The following UBL3 variants were observed in gnomAD, a reference collection of about 807,000 sequenced individuals.
UBL3 encodes ubiquitin-like protein 3.
Under a neutral mutation model 18.4 loss-of-function variants are expected in UBL3, and 6 were observed. The ratio of observed to expected loss-of-function variants is 0.33; its 90% CI spans 0.18 to 0.64. UBL3 has a LOEUF of 0.64. Among genes scored for constraint, UBL3 ranks in the 30% least tolerant of loss-of-function variants. The probability of loss-of-function intolerance (pLI) is 0.76; values close to 1 mark genes in which losing one functional copy is unlikely to be tolerated. For synonymous variants in UBL3, 49 were observed against 46.6 expected, an observed-to-expected ratio of 1.05 and a Z score of -0.21; for missense variants, 109 against 142.9, an observed-to-expected ratio of 0.76 and a Z score of 1.21.
intron 1 of UBL3, among the ~76,000 whole-genome samples, chr13:29,843,790 G>C (rs909063646): frequency 6.6e-6 from 1 of 152,162 alleles, no homozygotes; most frequent in Non-Finnish European, 1.5e-5. Flanking sequence ...TCCATAACAT[G>C]TTTCTTTTGA....
At position 29,770,096 on chromosome 13, in the gene UBL3, T is replaced by C. The variant is rs564913961; in HGVS notation, c.223+2016A>G. ...ATCCTAAGTCTAATTCACAGGGCTATACAGAGCAAGTTCTAGGGCCACACA... is the reference window on the plus strand; with the variant it reads ...ATCCTAAGTCTAATTCACAGGGCTACACAGAGCAAGTTCTAGGGCCACACA... On this transcript the variant is annotated intron_variant, in intron 3 of 4. Transcript: ENST00000380680. Among the ~76,000 whole-genome samples, 6 of 152,220 alleles carry C rather than the reference T, an allele frequency of 3.9e-5. No individual in the cohort carries two copies. The South Asian group carries it at 1.2e-3, about 32-fold the overall frequency.
chr13:29,818,828 C>CA (rs1168306302), intron 1 of UBL3, among the ~76,000 whole-genome samples: 1 of 152,128 alleles, frequency 6.6e-6, no homozygotes, highest in Non-Finnish European at 1.5e-5. Flanking sequence ...GTTCACAAGA[C>CA]AAAAACCACT....
At chr13:29,817,261 T>C (rs1046771172) in intron 1 of UBL3, among the ~76,000 whole-genome samples, 6 of 152,226 alleles carry the variant, frequency 3.9e-5, no homozygotes, top group East Asian at 1.9e-4. Context: ...ACAGTTACCA[T>C]AGCTTGGTAT....
chr13:29,788,152 T>TC (rs879384277), intron 1 of UBL3, among the ~76,000 whole-genome samples: 7 of 152,196 alleles, frequency 4.6e-5, no homozygotes, highest in Admixed American at 4.6e-4. Flanking sequence ...ATCTAGTTAC[T>TC]CCAATAAATC....
Position 29,850,288 on chromosome 13 carries a change from C to A in UBL3, c.-750G>T, listed in dbSNP as rs1040669728. On this transcript the variant is annotated 5_prime_UTR_variant, in exon 1 of 5. Transcript: ENST00000380680. Reference sequence around the variant, plus strand: ...TCTGGGCTCAGGCCGCGGGCGCCTCCGGACAGCAGCTGGGGTCGGGGCGCA... The same window carrying A: ...TCTGGGCTCAGGCCGCGGGCGCCTCAGGACAGCAGCTGGGGTCGGGGCGCA... 1 of 153,420 alleles carries A rather than the reference C, an allele frequency of 6.5e-6. No homozygotes were observed. Among genetic ancestry groups the A allele is most frequent in the South Asian group, 1.8e-4 (1 of 5,542 alleles). 9.5% of individuals were successfully genotyped at this position (153,420 alleles called of 1,614,324 possible).
chr13:29,812,354 T>C (rs1593665361), intron 1 of UBL3, among the ~76,000 whole-genome samples: 2 of 152,040 alleles, frequency 1.3e-5, no homozygotes, highest in African/African-American at 4.8e-5. Context: ...TTATATCACT[T>C]TAAGTATATG....
At chr13:29,815,274 G>A (rs957217732) in intron 1 of UBL3, among the ~76,000 whole-genome samples, 7 of 152,032 alleles carry the variant, frequency 4.6e-5, no homozygotes, top group African/African-American at 1.4e-4. Context: ...CAAATAGAAC[G>A]AGTTAGATGA....
intron 1 of UBL3, among the ~76,000 whole-genome samples, chr13:29,816,087 C>A (rs985434097): frequency 1.3e-5 from 2 of 151,924 alleles, no homozygotes; most frequent in African/African-American, 4.8e-5. Flanking sequence ...GATTTTTTTC[C>A]CCACTGTCAC....
intron 1 of UBL3, among the ~76,000 whole-genome samples, chr13:29,779,593 G>A (rs545838588): frequency 2.8e-4 from 42 of 152,232 alleles, no homozygotes; most frequent in African/African-American, 9.6e-4. Context: ...GATTTTCCCT[G>A]ATGTCTATCA....
At chr13:29,846,375 G>A (rs1256039972) in intron 1 of UBL3, among the ~76,000 whole-genome samples, 2 of 151,938 alleles carry the variant, frequency 1.3e-5, no homozygotes, top group Admixed American at 6.6e-5. Flanking sequence ...TGTAGTAAAA[G>A]TACCAACTAC....
At chr13:29,805,547 C>T (rs1877879430) in intron 1 of UBL3, among the ~76,000 whole-genome samples, 2 of 152,136 alleles carry the variant, frequency 1.3e-5, no homozygotes, top group African/African-American at 2.4e-5. Context: ...ACTATATATG[C>T]TATCTATCTT....
chr13:29,813,905 C>A (rs368677365), intron 1 of UBL3, among the ~76,000 whole-genome samples: 282 of 152,042 alleles, frequency 1.9e-3, no homozygotes, highest in Middle Eastern at 0.014. Context: ...AGACTCAGAG[C>A]CACTTTTGAA....
At chr13:29,794,722 G>T (rs768263345) in intron 1 of UBL3, among the ~76,000 whole-genome samples, 2 of 152,140 alleles carry the variant, frequency 1.3e-5, no homozygotes, top group Non-Finnish European at 2.9e-5. Flanking sequence ...CCCTTTCTCC[G>T]ATGTATCTTG....
chr13:29,777,263 T>A lies in UBL3; in HGVS notation c.28A>T (p.Ile10Leu). The A allele has an allele frequency of 6.2e-7, 1 of 1,603,272 alleles. No individual in the cohort carries two copies. The highest frequency in any genetic ancestry group is 1.7e-4 in the Middle Eastern group (1 of 6,026). The change falls in exon 2 of 5, where the codon ATA (isoleucine) becomes TTA (leucine). Residue 10 changes from isoleucine (I) to leucine (L), a missense_variant and splice_region_variant. Transcript: ENST00000380680. Reference protein sequence around the residue: MSSNVPADMINLRLILVSGK... With the variant: MSSNVPADMLNLRLILVSGK... Reference sequence around the variant, plus strand: ...CTTACCAAAATGAGGCGCAAATTTATCTGAAAGAAGACAATGATTCTTTTA... The same window carrying A: ...CTTACCAAAATGAGGCGCAAATTTAACTGAAAGAAGACAATGATTCTTTTA...
intron 1 of UBL3, among the ~76,000 whole-genome samples, chr13:29,788,080 T>C (rs772260594): frequency 7.2e-5 from 11 of 152,200 alleles, no homozygotes; most frequent in Non-Finnish European, 1.3e-4. Context: ...TTCTTTTGAA[T>C]AGTTCTAGCG....
intron 1 of UBL3, among the ~76,000 whole-genome samples, chr13:29,792,252 T>C (rs1877499973): frequency 6.6e-6 from 1 of 152,198 alleles, no homozygotes; most frequent in South Asian, 2.1e-4. Flanking sequence ...CAAGTGGATC[T>C]ACCAATAATT....
In UBL3 at chr13:29,801,555, C is replaced by T. The variant is rs547872267; in HGVS notation, c.28-24292G>A. ...GCAGTGCAGTCTCCCCAATCCTTGG[C>T]TGAACATTCCCACTAGCAACGGCTC... On this transcript the variant is annotated intron_variant, in intron 1 of 4. Transcript: ENST00000380680. Among the ~76,000 whole-genome samples, 20 of 152,302 alleles carry T rather than the reference C, an allele frequency of 1.3e-4. 1 individual carries two copies. The South Asian group carries it at 4.1e-3, about 32-fold the overall frequency.
chr13:29,772,194 C>T lies in UBL3; in HGVS notation c.141G>A (p.Trp47Ter). 1 of 1,610,952 alleles carries T rather than the reference C, an allele frequency of 6.2e-7. No individual in the cohort carries two copies. The highest frequency in any genetic ancestry group is 8.5e-7 in the Non-Finnish European group (1 of 1,178,174). ...KHVYDNWPMD[W>*]EEEQVSSPNI... ...TTGGACTGCTGACCTGCTCTTCTTC[C>T]CAGTCTGAAAAGAATCCAGTGTACT... Residue 47 changes from tryptophan (W) to a stop codon, truncating the protein, a stop_gained, in exon 3 of 5, where the codon TGG becomes TGA. Coordinates refer to ENST00000380680, the MANE Select transcript of UBL3 (RefSeq NM_007106.4). LOFTEE classifies it high-confidence loss of function.
chr13:29,836,701 A>T (rs902096018), intron 1 of UBL3, among the ~76,000 whole-genome samples: 1 of 152,062 alleles, frequency 6.6e-6, no homozygotes, highest in South Asian at 2.1e-4. Context: ...AAGACACAAA[A>T]AGTGGATGTT....
Sources: allele counts gnomAD v4.1 joint callset (sites outside exome capture counted in the v4.1 genomes callset), GRCh38; gene constraint gnomAD v4.1.1; transcripts MANE v1.5; gene names NCBI Gene and HGNC (gene_info 2026-07-23, HGNC 2026-07-21).